Variants in PLXNA4 observed in about 807,000 individuals in gnomAD.
PLXNA4 encodes plexin-A4.
A neutral mutation model predicts 191.8 loss-of-function variants in PLXNA4; 44 were observed. The observed-to-expected ratio is 0.23, with a 90% CI of 0.18 to 0.29. The LOEUF (loss-of-function observed/expected upper bound fraction) is 0.29. PLXNA4 is among the 10% of genes least tolerant of loss of function. PLXNA4 has a pLI of 1.00. For missense variants in PLXNA4, 1,800 were observed against 2,488.8 expected (o/e 0.72, Z 5.89); for synonymous variants, 1,082 against 1,009.5 (o/e 1.07, Z -1.36).
In PLXNA4 at chr7:132,507,785, A is replaced by G; in HGVS notation, c.909T>C (p.Ser303=). The change falls in exon 2 of 32, where the codon AGT becomes AGC. Residue 303 remains serine (S), a synonymous_variant. Coordinates refer to ENST00000321063, the MANE Select transcript of PLXNA4 (RefSeq NM_020911.2). Reference sequence around the variant, plus strand: ...CCTGCAGCAGGCGGTACTCCACCCCACTGCGCTCACAGCCAATGGGCACCT... The same window carrying G: ...CCTGCAGCAGGCGGTACTCCACCCCGCTGCGCTCACAGCCAATGGGCACCT... ...YVEVPIGCER[S]GVEYRLLQAA... is the part of the protein sequence containing the mutation. The G allele has an allele frequency of 6.2e-7, 1 of 1,614,108 alleles. No homozygotes were observed. The highest frequency in any genetic ancestry group is 8.5e-7 in the Non-Finnish European group (1 of 1,180,034).
rs189276133 is a variant in PLXNA4 at position 132,207,415 on chromosome 7, C to T, written c.2298+3528G>A. Among the ~76,000 whole-genome samples, 13 of 152,350 alleles carry T rather than the reference C, an allele frequency of 8.5e-5. No individual in the cohort carries two copies. In the East Asian group the frequency reaches 2.3e-3, roughly 27 times the overall value. On this transcript the variant is annotated intron_variant, in intron 10 of 31. Transcript: ENST00000321063. ...CCTCACTGGCATGATTGGCAGCCTC[C>T]GAGAGCTGGTGGCCACGCACTATTA...
At chr7:132,410,045 C>A (rs1051311547) in intron 3 of PLXNA4, among the ~76,000 whole-genome samples, 8 of 152,186 alleles carry the variant, frequency 5.3e-5, no homozygotes, top group Admixed American at 2.0e-4. Context: ...ACTGTAGTTG[C>A]CTGGGATAAC....
intron 5 of PLXNA4, among the ~76,000 whole-genome samples, chr7:132,237,416 G>A (rs1416189637): frequency 6.6e-6 from 1 of 152,162 alleles, no homozygotes; most frequent in East Asian, 1.9e-4. Flanking sequence ...CAAGGGAGTG[G>A]GGGAAGACAA....
At chr7:132,454,824 C>A (rs1252695337) in intron 3 of PLXNA4, among the ~76,000 whole-genome samples, 2 of 152,192 alleles carry the variant, frequency 1.3e-5, no homozygotes, top group Non-Finnish European at 2.9e-5. Context: ...ATACCTTGAT[C>A]TTGGGCATCC....
At chr7:132,540,569 CTTTTTTTTTTTTTT>C (rs71915138) in intron 1 of PLXNA4, among the ~76,000 whole-genome samples, 835 of 61,030 alleles carry the variant, frequency 0.014, 28 homozygotes, top group African/African-American at 0.056. Flanking sequence ...GTGGACCGTT[CTTTTTTTTTTTTTT>C]TTTTTTTTTT....
intron 3 of PLXNA4, among the ~76,000 whole-genome samples, chr7:132,450,566 C>T (rs1300864253): frequency 6.6e-6 from 1 of 152,202 alleles, no homozygotes; most frequent in Non-Finnish European, 1.5e-5. Context: ...CTCTCCAACT[C>T]CTTGGTCACT....
intron 3 of PLXNA4, among the ~76,000 whole-genome samples, chr7:132,458,903 C>T (rs1171591290): frequency 6.6e-6 from 1 of 152,140 alleles, no homozygotes; most frequent in African/African-American, 2.4e-5. Context: ...GGGCGAAATG[C>T]CTAACGGGAC....
At chr7:132,272,231 A>G (rs1800104664) in intron 4 of PLXNA4, among the ~76,000 whole-genome samples, 1 of 152,210 alleles carries the variant, frequency 6.6e-6, no homozygotes, top group African/African-American at 2.4e-5. Flanking sequence ...AACCTCCTCA[A>G]TATCTCTTAA....
chr7:132,622,787 G>A lies in PLXNA4; in HGVS notation c.-87+23141C>T, dbSNP rs1251440510. On this transcript the variant is annotated intron_variant, in intron 2 of 4. Transcript: ENST00000378539. ...TCTGAGGTCAACGACTATTTAAAATGCCATTTGCTATTAGGAAGCTGCCCT... is the reference window on the plus strand; with the variant it reads ...TCTGAGGTCAACGACTATTTAAAATACCATTTGCTATTAGGAAGCTGCCCT... Among the ~76,000 whole-genome samples the A allele has an allele frequency of 2.0e-5, 3 of 152,176 alleles. No individual in the cohort carries two copies. In the East Asian group the frequency reaches 5.8e-4, roughly 29 times the overall value.
chr7:132,623,311 A>G (rs1293421869), intron 2 of PLXNA4, among the ~76,000 whole-genome samples: 1 of 151,636 alleles, frequency 6.6e-6, no homozygotes. Context: ...ACACCATTGC[A>G]CTCCAGCCTG....
intron 10 of PLXNA4, 45 bp downstream of exon 10, chr7:132,210,898 G>A (rs1797776914): frequency 6.3e-7 from 1 of 1,583,932 alleles, no homozygotes; most frequent in South Asian, 1.1e-5. Context: ...TGATGTGGGT[G>A]GGACTGGGGC....
chr7:132,398,699 T>C (rs1037724923), intron 3 of PLXNA4, among the ~76,000 whole-genome samples: 7 of 152,162 alleles, frequency 4.6e-5, no homozygotes, highest in Non-Finnish European at 8.8e-5. Flanking sequence ...TTCGGCCCAA[T>C]AGGCTCAGGG....
chr7:132,375,633 A>G (rs960104244), intron 3 of PLXNA4, among the ~76,000 whole-genome samples: 1 of 152,204 alleles, frequency 6.6e-6, no homozygotes, highest in Non-Finnish European at 1.5e-5. Flanking sequence ...CAGTCCAGGA[A>G]AGGGAGTGAT....
At chr7:132,307,494 C>T (rs576577131) in intron 3 of PLXNA4, among the ~76,000 whole-genome samples, 3 of 152,138 alleles carry the variant, frequency 2.0e-5, no homozygotes, top group Non-Finnish European at 4.4e-5. Flanking sequence ...AATGAAAACA[C>T]TCAAAGTAAT....
upstream of PLXNA4, chr7:132,576,555 C>A: frequency 1.0e-6 from 1 of 986,118 alleles, no homozygotes; most frequent in Non-Finnish European, 1.2e-6. The surrounding 1 kb of genome is among the most constrained non-coding windows in gnomAD (Gnocchi z 5.8). Context: ...CAGCCCCAGC[C>A]CCGAACGCAA....
At chr7:132,516,034 T>A (rs1333046896) in intron 1 of PLXNA4, among the ~76,000 whole-genome samples, 2 of 152,172 alleles carry the variant, frequency 1.3e-5, no homozygotes, top group East Asian at 1.9e-4. Context: ...AATGAATGAA[T>A]GAATGCTCCA....
intron 3 of PLXNA4, among the ~76,000 whole-genome samples, chr7:132,443,693 T>G (rs1314110421): frequency 6.6e-6 from 1 of 152,240 alleles, no homozygotes; most frequent in Non-Finnish European, 1.5e-5. Context: ...TCTGCATCCT[T>G]TCTTTATTAC....
At chr7:132,419,375 C>T (rs1191357337) in intron 3 of PLXNA4, among the ~76,000 whole-genome samples, 1 of 152,200 alleles carries the variant, frequency 6.6e-6, no homozygotes, top group Non-Finnish European at 1.5e-5. Context: ...ATCCAAATTT[C>T]ATCCCAGATA....
intron 2 of PLXNA4, among the ~76,000 whole-genome samples, chr7:132,497,872 G>A (rs1236022199): frequency 1.3e-5 from 2 of 152,146 alleles, no homozygotes; most frequent in Non-Finnish European, 2.9e-5. Flanking sequence ...TGATTCTTTC[G>A]GGTGTCTTTT....
Sources: allele counts gnomAD v4.1 joint callset (sites outside exome capture counted in the v4.1 genomes callset), GRCh38; gene constraint gnomAD v4.1.1; non-coding constraint Gnocchi (gnomAD v3.1); transcripts MANE v1.5; gene names NCBI Gene and HGNC (gene_info 2026-07-23, HGNC 2026-07-21).